Variants in KCNQ2 observed in about 807,000 individuals in gnomAD.
The protein encoded by KCNQ2 is potassium voltage-gated channel subfamily Q member 2.
In KCNQ2, 14 loss-of-function variants were observed where a neutral mutation model predicts 84.8. That is an observed-to-expected ratio of 0.17 (90% CI 0.11 to 0.26). The LOEUF (loss-of-function observed/expected upper bound fraction) is 0.26, where lower values mean the gene tolerates loss of function less well. Among genes scored for constraint, KCNQ2 ranks in the 10% least tolerant of loss-of-function variants. The pLI, the probability that KCNQ2 is intolerant of heterozygous loss-of-function variation, is 1.00. For synonymous variants in KCNQ2, 599 were observed against 554.1 expected (o/e 1.08, Z -1.14); for missense variants, 788 against 1,254.0 (o/e 0.63, Z 5.61).
At chr20:63,442,645 A>G (rs1219878032) in intron 4 of KCNQ2, 114 bp from the exon 5 acceptor site, 1 of 550,182 alleles carries the variant, frequency 1.8e-6, no homozygotes, top group Non-Finnish European at 2.7e-6. Context: ...CCACCACCAA[A>G]ACCATCACCA....
chr20:63,440,196 G>T (rs773154551), intron 5 of KCNQ2, among the ~76,000 whole-genome samples: 1 of 152,136 alleles, frequency 6.6e-6, no homozygotes, highest in African/African-American at 2.4e-5. Flanking sequence ...GAGCCATGGC[G>T]GGGTGGGCTG....
rs1601539746 is a variant in KCNQ2 at position 63,406,183 on chromosome 20, C to T, written c.*461G>A. The T allele has an allele frequency of 6.0e-6, 1 of 165,846 alleles. No individual in the cohort carries two copies. The highest frequency in any genetic ancestry group is 2.4e-5 in the African/African-American group (1 of 41,752). The allele number at this position is 165,846 out of a possible 1,614,324, so 10.3% of individuals were successfully genotyped here. A position where few individuals can be genotyped will look rare whatever the true frequency, so the allele number is the denominator to read the frequency against. On this transcript the variant is annotated 3_prime_UTR_variant, in exon 17 of 17. Coordinates refer to ENST00000359125, the MANE Select transcript of KCNQ2 (RefSeq NM_172107.4). ...CCCGCCTGTAGCTGCCCGGAAACCCCACCGGGACCCAAGGCCGCAGGTCCT... is the reference window on the plus strand; with the variant it reads ...CCCGCCTGTAGCTGCCCGGAAACCCTACCGGGACCCAAGGCCGCAGGTCCT...
chr20:63,429,313 C>T (rs1217524962), intron 9 of KCNQ2, among the ~76,000 whole-genome samples: 1 of 151,798 alleles, frequency 6.6e-6, no homozygotes, highest in Non-Finnish European at 1.5e-5. Flanking sequence ...CACTCCGCCT[C>T]CTCAGCCTCT....
intron 1 of KCNQ2, among the ~76,000 whole-genome samples, chr20:63,455,628 C>G (rs1280168677): frequency 6.6e-6 from 1 of 152,204 alleles, no homozygotes; most frequent in Non-Finnish European, 1.5e-5. Context: ...CAAAGGGTCA[C>G]CAGGCCAGAG....
rs2080595444 is a variant in KCNQ2, at chr20:63,425,350, T to C, written c.1218-1144A>G. Among the ~76,000 whole-genome samples the C allele has an allele frequency of 6.6e-6, 1 of 152,112 alleles. No homozygotes were observed. Among genetic ancestry groups the C allele is most frequent in the Non-Finnish European group, 1.5e-5 (1 of 68,026 alleles). Reference sequence around the variant, plus strand: ...ATTCATGTCCATCTTACATCGAGAATACACTCACCCCTGCCAAGATCCCCC... The same window carrying C: ...ATTCATGTCCATCTTACATCGAGAACACACTCACCCCTGCCAAGATCCCCC... On this transcript the variant is annotated intron_variant, in intron 10 of 16. Transcript: ENST00000359125. The surrounding 1 kb of genome is among the most constrained non-coding windows in gnomAD (Gnocchi z 5.5).
chr20:63,410,446 C>G (rs1367971735), intron 15 of KCNQ2, among the ~76,000 whole-genome samples: 4 of 152,204 alleles, frequency 2.6e-5, no homozygotes, highest in Admixed American at 6.5e-5. Flanking sequence ...CTGTGTGAAC[C>G]TGCACGTCTC....
intron 1 of KCNQ2, among the ~76,000 whole-genome samples, chr20:63,451,703 G>GC (rs1023863255): frequency 1.3e-4 from 20 of 151,946 alleles, no homozygotes; most frequent in Middle Eastern, 6.8e-3. Context: ...GCTTCCCTCT[G>GC]CCCGGACCCA....
At chr20:63,444,346 C>G (rs563908139) in intron 4 of KCNQ2, among the ~76,000 whole-genome samples, 2 of 152,338 alleles carry the variant, frequency 1.3e-5, no homozygotes, top group African/African-American at 4.8e-5. Flanking sequence ...AAAGAAGACA[C>G]CCAACCACAG....
intron 1 of KCNQ2, among the ~76,000 whole-genome samples, chr20:63,458,150 C>T (rs879647550): frequency 4.6e-5 from 7 of 151,444 alleles, no homozygotes; most frequent in Non-Finnish European, 1.0e-4. Flanking sequence ...CTGGACTTTA[C>T]TCTTCCTCCC....
At chr20:63,430,343 G>C (rs560771534) in intron 9 of KCNQ2, among the ~76,000 whole-genome samples, 190 of 152,216 alleles carry the variant, frequency 1.2e-3, no homozygotes, top group African/African-American at 4.2e-3. Flanking sequence ...ATGTCTTATG[G>C]CTGAGCATGT....
intron 9 of KCNQ2, among the ~76,000 whole-genome samples, chr20:63,430,223 A>G (rs961139759): frequency 3.9e-5 from 6 of 152,112 alleles, no homozygotes; most frequent in African/African-American, 1.4e-4. Context: ...CGAGGGTGCA[A>G]CAAGGGGAGG....
At chr20:63,466,494 C>A (rs1370821356) in intron 1 of KCNQ2, 2 of 152,298 alleles carry the variant, frequency 1.3e-5, no homozygotes, top group East Asian at 3.9e-4. Context: ...GCCAGCCATC[C>A]TCCCTCCTGG....
chr20:63,412,908 G>T (rs3787132), intron 15 of KCNQ2, among the ~76,000 whole-genome samples: 1 of 152,194 alleles, frequency 6.6e-6, no homozygotes, highest in African/African-American at 2.4e-5. Flanking sequence ...GTGTGGGCAC[G>T]TGTGTGGACT....
At chr20:63,458,841 C>T (rs1361787871) in intron 1 of KCNQ2, among the ~76,000 whole-genome samples, 3 of 152,366 alleles carry the variant, frequency 2.0e-5, no homozygotes, top group East Asian at 3.9e-4. Context: ...CACCACCTTC[C>T]GCACAGCGGG....
chr20:63,468,943 A>C (rs1381232825), intron 1 of KCNQ2, among the ~76,000 whole-genome samples: 1 of 152,214 alleles, frequency 6.6e-6, no homozygotes, highest in Non-Finnish European at 1.5e-5. Flanking sequence ...CATCCACAGG[A>C]ACCAGGCTGC....
chr20:63,443,179 TCACCATCACCACCACCAC>T (rs2081284723), intron 4 of KCNQ2, among the ~76,000 whole-genome samples: 2 of 54,024 alleles, frequency 3.7e-5, no homozygotes, highest in East Asian at 1.0e-3. Context: ...CACATCACCA[TCACCATCACCACCACCAC>T]CACCATCACC....
chr20:63,426,391 C>T (rs1365131096), intron 10 of KCNQ2, among the ~76,000 whole-genome samples: 2 of 152,204 alleles, frequency 1.3e-5, no homozygotes, highest in African/African-American at 4.8e-5. Flanking sequence ...CCAAAGCAGG[C>T]TTTGCCAACA....
At chr20:63,447,741 T>C (rs1036476732) in intron 1 of KCNQ2, among the ~76,000 whole-genome samples, 1 of 152,142 alleles carries the variant, frequency 6.6e-6, no homozygotes, top group African/African-American at 2.4e-5. Context: ...ATTACAGGCA[T>C]GTGCCACCAC....
At chr20:63,442,807 T>TACC (rs1386812186) in intron 4 of KCNQ2, among the ~76,000 whole-genome samples, 1 of 7,236 alleles carries the variant, frequency 1.4e-4, no homozygotes, top group Non-Finnish European at 2.7e-4. Flanking sequence ...CCACCACCAT[T>TACC]ACCACCACCA....
Sources: gnomAD v4.1 joint callset for allele counts (sites outside exome capture counted in the v4.1 genomes callset) on GRCh38, gnomAD v4.1.1 for gene constraint, Gnocchi (gnomAD v3.1) non-coding constraint, MANE v1.5 for transcripts, NCBI Gene and HGNC (gene_info 2026-07-23, HGNC 2026-07-21) for gene names.